NRXN1: variants seen among roughly 807,000 people sequenced by gnomAD.
NRXN1 encodes the protein neurexin 1.
NRXN1 carries 39 observed loss-of-function variants against 150.9 expected under a neutral mutation model. The ratio of observed to expected loss-of-function variants is 0.26; its 90% CI spans 0.20 to 0.34. The LOEUF is 0.34. NRXN1 is among the 10% of genes least tolerant of loss of function. NRXN1 has a pLI of 1.00. For synonymous variants in NRXN1, 924 were observed against 757.0 expected (o/e 1.22, Z -3.62); for missense variants, 1,815 against 1,949.9 (o/e 0.93, Z 1.30).
chr2:50,097,552 C>G (rs1022135064), intron 18 of NRXN1, among the ~76,000 whole-genome samples: 16 of 152,026 alleles, frequency 1.1e-4, no homozygotes, highest in Non-Finnish European at 2.9e-5. Context: ...AGTTGTTGGA[C>G]TATGCAACAC....
chr2:50,078,906 C>G (rs1448542815), intron 19 of NRXN1, among the ~76,000 whole-genome samples: 1 of 152,056 alleles, frequency 6.6e-6, no homozygotes, highest in South Asian at 2.1e-4. Context: ...ACATAAATTA[C>G]TAATTTCTAC....
At chr2:50,545,282 C>T (rs959538000) in intron 9 of NRXN1, among the ~76,000 whole-genome samples, 1 of 152,128 alleles carries the variant, frequency 6.6e-6, no homozygotes, top group Non-Finnish European at 1.5e-5. Flanking sequence ...TGTATAGACA[C>T]ATATACATTT....
intron 17 of NRXN1, among the ~76,000 whole-genome samples, chr2:50,365,562 A>G (rs1313412293): frequency 6.6e-6 from 1 of 152,086 alleles, no homozygotes; most frequent in Non-Finnish European, 1.5e-5. Flanking sequence ...TCATAGCTAA[A>G]TAATAGGTTT....
intron 17 of NRXN1, among the ~76,000 whole-genome samples, chr2:50,241,772 G>C (rs1268039285): frequency 6.6e-6 from 1 of 151,658 alleles, no homozygotes; most frequent in Non-Finnish European, 1.5e-5. Flanking sequence ...TTACATATAG[G>C]GCTCTCTCCC....
intron 5 of NRXN1, among the ~76,000 whole-genome samples, chr2:50,627,155 T>C (rs1406265907): frequency 6.6e-6 from 1 of 151,826 alleles, no homozygotes; most frequent in African/African-American, 2.4e-5. Flanking sequence ...AGATAAAAAT[T>C]GACCAACTGT....
At chr2:50,298,055 T>C (rs924390990) in intron 17 of NRXN1, among the ~76,000 whole-genome samples, 11 of 151,980 alleles carry the variant, frequency 7.2e-5, no homozygotes, top group African/African-American at 2.2e-4. Flanking sequence ...AATTTTAATA[T>C]TAAAATATTC....
chr2:50,623,182 CAGA>C, intron 6 of NRXN1, 129 bp downstream of exon 6: 1 of 678,126 alleles, frequency 1.5e-6, no homozygotes. Flanking sequence ...AGATTCATCT[CAGA>C]AGAAGAAAAA....
chr2:50,091,572 G>A lies in NRXN1; in HGVS notation c.3547-78C>T, dbSNP rs1284783401. On this transcript the variant is annotated intron_variant, in intron 18 of 22. Transcript: ENST00000401669. Reference sequence around the variant, plus strand: ...TAATAAAGATTACATACAAGGTATTGTTTTAAAATGTGCTTTGGACAACAG... The same window carrying A: ...TAATAAAGATTACATACAAGGTATTATTTTAAAATGTGCTTTGGACAACAG... 8.3e-6 allele frequency: 12 copies of A among 1,454,520 alleles called. No homozygotes were observed. In the African/African-American group the frequency reaches 1.3e-4, roughly 15 times the overall value. The allele number at this position is 1,454,520 out of a possible 1,614,324, so 90.1% of individuals were successfully genotyped here.
At chr2:51,005,066 CT>C (rs1338796376) in intron 2 of NRXN1, among the ~76,000 whole-genome samples, 1 of 151,744 alleles carries the variant, frequency 6.6e-6, no homozygotes, top group Non-Finnish European at 1.5e-5. Context: ...TCACATTTTT[CT>C]TGTGATTTCT....
chr2:50,286,355 G>C (rs12473102), intron 17 of NRXN1, among the ~76,000 whole-genome samples: 1 of 151,776 alleles, frequency 6.6e-6, no homozygotes, highest in East Asian at 1.9e-4. Context: ...AACTTTTTTC[G>C]AATCAACATA....
intron 17 of NRXN1, among the ~76,000 whole-genome samples, chr2:50,419,761 A>C (rs1283742205): frequency 6.6e-6 from 1 of 152,036 alleles, no homozygotes; most frequent in African/African-American, 2.4e-5. Context: ...TCCACCATGA[A>C]AACAGAAAAT....
At chr2:50,528,926 T>A (rs952940706) in intron 11 of NRXN1, 2 of 362,138 alleles carry the variant, frequency 5.5e-6, no homozygotes, top group East Asian at 1.2e-4. Context: ...ATGTCAAAGA[T>A]GTTTGGCTTA....
chr2:51,012,090 G>T (rs1366089221), intron 2 of NRXN1, among the ~76,000 whole-genome samples: 1 of 151,954 alleles, frequency 6.6e-6, no homozygotes, highest in Admixed American at 6.6e-5. Flanking sequence ...ACTAAAATGT[G>T]ACGCTTTCCA....
At chr2:50,206,193 T>C (rs574703719) in intron 18 of NRXN1, among the ~76,000 whole-genome samples, 4 of 151,286 alleles carry the variant, frequency 2.6e-5, no homozygotes, top group Non-Finnish European at 4.4e-5. Context: ...TAAACACTTA[T>C]ACAGTACAAT....
chr2:50,111,638 C>CA (rs375375605), intron 18 of NRXN1, among the ~76,000 whole-genome samples: 106 of 146,100 alleles, frequency 7.3e-4, no homozygotes, highest in African/African-American at 2.4e-3. Flanking sequence ...CACTCTGTCT[C>CA]AAAAAAAAGA....
chr2:50,252,461 G>A (rs545757194), intron 17 of NRXN1, among the ~76,000 whole-genome samples: 4 of 151,730 alleles, frequency 2.6e-5, no homozygotes, highest in Non-Finnish European at 5.9e-5. Context: ...GTTTTGCCAT[G>A]TTAGCCAGGC....
chr2:50,482,057 C>T (rs1261009070), intron 15 of NRXN1, among the ~76,000 whole-genome samples: 1 of 137,452 alleles, frequency 7.3e-6, no homozygotes, highest in Non-Finnish European at 1.5e-5. Context: ...CGTGAGCCAC[C>T]GCGCCCGGCC....
intron 5 of NRXN1, among the ~76,000 whole-genome samples, chr2:50,842,834 T>C (rs1034986221): frequency 1.3e-5 from 2 of 152,226 alleles, no homozygotes; most frequent in Non-Finnish European, 2.9e-5. Context: ...CTCCCTTTTA[T>C]GTAGCAGACA....
intron 17 of NRXN1, among the ~76,000 whole-genome samples, chr2:50,373,823 TATC>T: frequency 6.6e-6 from 1 of 152,246 alleles, no homozygotes; most frequent in Non-Finnish European, 1.5e-5. Context: ...TTGGCTTTAA[TATC>T]ATCAAATTAG....
Sources: gnomAD v4.1 joint callset for allele counts (sites outside exome capture counted in the v4.1 genomes callset) on GRCh38, gnomAD v4.1.1 for gene constraint, MANE v1.5 for transcripts, NCBI Gene and HGNC (gene_info 2026-07-23, HGNC 2026-07-21) for gene names.